The following DCC variants were observed in gnomAD, a reference collection of about 807,000 sequenced individuals.
DCC encodes the protein DCC netrin 1 receptor.
A neutral mutation model predicts 172.5 loss-of-function variants in DCC; 58 were observed. The ratio of observed to expected loss-of-function variants is 0.34; its 90% CI spans 0.27 to 0.42. The LOEUF is 0.42. DCC is among the 10% of genes least tolerant of loss of function. The probability of loss-of-function intolerance (pLI) is 1.00; values close to 1 mark genes in which losing one functional copy is unlikely to be tolerated. For missense variants in DCC, 1,740 were observed against 1,791.0 expected (o/e 0.97, Z 0.51); for synonymous variants, 709 against 644.5 (o/e 1.10, Z -1.52).
chr18:52,667,028 A>G (rs921754098), intron 1 of DCC, among the ~76,000 whole-genome samples: 3 of 152,180 alleles, frequency 2.0e-5, no homozygotes, highest in Non-Finnish European at 2.9e-5. Flanking sequence ...GCCAGAAGGT[A>G]CAATCTGTGA....
At chr18:53,426,444 ATATT>A (rs1910966903) in intron 21 of DCC, among the ~76,000 whole-genome samples, 1 of 139,152 alleles carries the variant, frequency 7.2e-6, no homozygotes, top group Non-Finnish European at 1.6e-5. Flanking sequence ...TATTATTTAT[ATATT>A]TATGTAATAT....
At chr18:53,210,321 T>C (rs1296544419) in intron 11 of DCC, among the ~76,000 whole-genome samples, 1 of 152,220 alleles carries the variant, frequency 6.6e-6, no homozygotes, top group Non-Finnish European at 1.5e-5. Context: ...AGCACTCTTC[T>C]TCGTTAACTT....
At chr18:53,435,091 C>T in intron 21 of DCC, 53 bp from the exon 22 acceptor site, 1 of 1,300,666 alleles carries the variant, frequency 7.7e-7, no homozygotes, top group South Asian at 1.2e-5. Context: ...TTCTTTTTGT[C>T]TTCATTTTGT....
At chr18:52,603,648 A>G (rs1421173980) in intron 1 of DCC, among the ~76,000 whole-genome samples, 1 of 151,676 alleles carries the variant, frequency 6.6e-6, no homozygotes, top group Non-Finnish European at 1.5e-5. Flanking sequence ...TAAAACAAAA[A>G]TTGACAAAGC....
chr18:53,347,569 A>G (rs979250481), intron 15 of DCC, among the ~76,000 whole-genome samples: 1 of 152,176 alleles, frequency 6.6e-6, no homozygotes, highest in South Asian at 2.1e-4. Flanking sequence ...TATCGCACTT[A>G]TTTACTAACA....
chr18:52,992,495 C>T (rs2041409382), intron 5 of DCC, among the ~76,000 whole-genome samples: 1 of 152,142 alleles, frequency 6.6e-6, no homozygotes, highest in Non-Finnish European at 1.5e-5. Flanking sequence ...CTACACGTTT[C>T]TCTGGTTAAT....
intron 1 of DCC, among the ~76,000 whole-genome samples, chr18:52,346,503 G>A (rs543929775): frequency 1.3e-5 from 2 of 152,318 alleles, no homozygotes; most frequent in Non-Finnish European, 2.9e-5. Flanking sequence ...CAACTATTAA[G>A]TGAAAGTGTT....
At chr18:53,157,317 C>T in intron 7 of DCC, 39 bp from the exon 8 acceptor site, 1 of 1,613,274 alleles carries the variant, frequency 6.2e-7, no homozygotes. Flanking sequence ...TTACCTATGG[C>T]AGCGACACCT....
Position 53,278,406 on chromosome 18 carries a change from C to G in DCC, c.1912-27172C>G, listed in dbSNP as rs986437512. 1.9e-4 allele frequency among the ~76,000 whole-genome samples: 29 copies of G among 152,012 alleles called. 1 individual carries two copies. The highest frequency in any genetic ancestry group is 4.4e-5 in the Non-Finnish European group (3 of 67,996). On this transcript the variant is annotated intron_variant, in intron 12 of 28. Coordinates refer to ENST00000442544, the MANE Select transcript of DCC (RefSeq NM_005215.4). ...CTAGATGTGGGAAATGTGAACTTGG[C>G]CCACCATACCGTCTATATCTATTGT...
At chr18:53,486,702 T>C (rs1216323804) in intron 25 of DCC, 95 bp from the exon 26 acceptor site, 28 of 1,537,986 alleles carry the variant, frequency 1.8e-5, no homozygotes, top group East Asian at 2.3e-5. Context: ...AGAGTGTGTA[T>C]AGATTTGAGG....
chr18:52,445,618 G>A (rs185634538), intron 1 of DCC, among the ~76,000 whole-genome samples: 40 of 152,190 alleles, frequency 2.6e-4, no homozygotes, highest in Admixed American at 2.1e-3. Context: ...ATATTCAGAT[G>A]TTCAGTTTCT....
intron 15 of DCC, among the ~76,000 whole-genome samples, chr18:53,361,124 C>T (rs549234765): frequency 6.6e-6 from 1 of 152,072 alleles, no homozygotes; most frequent in Non-Finnish European, 1.5e-5. Context: ...GTCATGTGAA[C>T]ACAGACACAG....
At chr18:53,137,995 T>TA (rs367746037) in intron 7 of DCC, among the ~76,000 whole-genome samples, 6 of 151,266 alleles carry the variant, frequency 4.0e-5, no homozygotes, top group African/African-American at 1.5e-4. Context: ...GTTTTTTTTT[T>TA]AAATTTTTGT....
intron 2 of DCC, among the ~76,000 whole-genome samples, chr18:52,897,769 A>G (rs1180892933): frequency 6.6e-6 from 1 of 152,184 alleles, no homozygotes; most frequent in Non-Finnish European, 1.5e-5. Context: ...TTCCTTTGCA[A>G]TGTCCACCAT....
chr18:52,588,521 T>C (rs1598935788), intron 1 of DCC, among the ~76,000 whole-genome samples: 2 of 152,192 alleles, frequency 1.3e-5, no homozygotes, highest in Admixed American at 1.3e-4. Context: ...ACATTTCTTA[T>C]AGACTAGTCA....
intron 26 of DCC, among the ~76,000 whole-genome samples, chr18:53,492,215 T>G (rs1198204570): frequency 6.6e-6 from 1 of 152,212 alleles, no homozygotes; most frequent in Non-Finnish European, 1.5e-5. Flanking sequence ...ATATTAGTCT[T>G]TTGTCAGATG....
intron 2 of DCC, among the ~76,000 whole-genome samples, chr18:52,833,290 G>A (rs955772287): frequency 1.4e-4 from 22 of 152,148 alleles, no homozygotes; most frequent in African/African-American, 4.8e-4. Flanking sequence ...TCCTTGGGAA[G>A]GCTAATGCAT....
At chr18:53,371,058 A>G (rs1481657314) in intron 15 of DCC, among the ~76,000 whole-genome samples, 3 of 151,908 alleles carry the variant, frequency 2.0e-5, no homozygotes, top group South Asian at 4.1e-4. Flanking sequence ...TTATAGCATG[A>G]CCTTTTGAAT....
intron 5 of DCC, among the ~76,000 whole-genome samples, chr18:53,049,788 T>C (rs778150948): frequency 6.6e-6 from 1 of 152,116 alleles, no homozygotes; most frequent in Non-Finnish European, 1.5e-5. Flanking sequence ...TTGCGCAATG[T>C]ACTAGTCAGG....
Sources: allele counts gnomAD v4.1 joint callset (sites outside exome capture counted in the v4.1 genomes callset), GRCh38; gene constraint gnomAD v4.1.1; transcripts MANE v1.5; gene names NCBI Gene and HGNC (gene_info 2026-07-23, HGNC 2026-07-21).